Variants in CNOT1 observed in about 807,000 individuals in gnomAD.
CNOT1 encodes the protein CCR4-NOT transcription complex subunit 1, also known as CCR4-associated factor 1.
In CNOT1, 15 loss-of-function variants were observed where a neutral mutation model predicts 273.8. The observed-to-expected ratio is 0.05, with a 90% CI of 0.04 to 0.08. CNOT1 has a LOEUF of 0.08. Among genes scored for constraint, CNOT1 ranks in the 10% least tolerant of loss-of-function variants. CNOT1 has a pLI of 1.00. For synonymous variants in CNOT1, 1,022 were observed against 1,005.5 expected, an observed-to-expected ratio of 1.02 and a Z score of -0.31; for missense variants, 1,644 against 2,912.2, an observed-to-expected ratio of 0.56 and a Z score of 10.02.
intron 1 of CNOT1, among the ~76,000 whole-genome samples, chr16:58,623,585 T>A (rs538492805): frequency 6.6e-6 from 1 of 152,298 alleles, no homozygotes; most frequent in Admixed American, 6.5e-5. Context: ...TTCAGAGAGC[T>A]TCCAGATAGC....
At chr16:58,596,625 T>A (rs538547027) in intron 2 of CNOT1, among the ~76,000 whole-genome samples, 1 of 152,084 alleles carries the variant, frequency 6.6e-6, no homozygotes, top group South Asian at 2.1e-4. Flanking sequence ...CAGTGGCTCA[T>A]GCCTGTAATC....
intron 2 of CNOT1, among the ~76,000 whole-genome samples, chr16:58,595,912 G>A (rs1181378955): frequency 2.0e-5 from 3 of 152,150 alleles, no homozygotes; most frequent in South Asian, 2.1e-4. Flanking sequence ...AGAAAGTTAC[G>A]GAGAATAAAA....
At chr16:58,524,455 C>A (rs1299905720) in intron 46 of CNOT1, among the ~76,000 whole-genome samples, 1 of 151,866 alleles carries the variant, frequency 6.6e-6, no homozygotes, top group African/African-American at 2.4e-5. Flanking sequence ...GGCTGCCGTC[C>A]TTTTATTGCC....
intron 1 of CNOT1, among the ~76,000 whole-genome samples, chr16:58,605,743 C>A (rs1597581425): frequency 6.6e-6 from 1 of 152,288 alleles, no homozygotes; most frequent in East Asian, 1.9e-4. Context: ...CGGCTTACCG[C>A]AGCCTCCCTG....
At chr16:58,588,204 C>T (rs1475311619) in intron 3 of CNOT1, among the ~76,000 whole-genome samples, 1 of 152,012 alleles carries the variant, frequency 6.6e-6, no homozygotes, top group Admixed American at 6.6e-5. Context: ...GAGGCTGAGG[C>T]AGGAGAATCG....
At position 58,541,487 on chromosome 16, in the gene CNOT1, TAA is replaced by T; in HGVS notation, c.4800+12_4800+13del. 1 of 1,609,362 alleles carries T rather than the reference TAA, an allele frequency of 6.2e-7. No homozygotes were observed. The highest frequency in any genetic ancestry group is 1.1e-5 in the South Asian group (1 of 90,358). On this transcript the variant is annotated intron_variant, in intron 34 of 48. Transcript: ENST00000317147. The stretch of plus-strand genomic sequence containing the variant: ...AATTGGCAAAACACTCAATTTAATC[TAA>T]AACACATTTACCTTCATGGGCTGGG...
At chr16:58,553,746 A>C in intron 22 of CNOT1, 36 bp downstream of exon 22, 1 of 1,597,426 alleles carries the variant, frequency 6.3e-7, no homozygotes, top group South Asian at 1.1e-5. Context: ...CAAATACTAC[A>C]TAGCTATTTG....
At chr16:58,544,130 T>G (rs1424070) in intron 30 of CNOT1, among the ~76,000 whole-genome samples, 35,177 of 152,074 alleles carry the variant, frequency 0.23, 4,452 homozygotes, top group African/African-American at 0.34. Flanking sequence ...TTTTTTTAAA[T>G]CCAAGTTTAA....
At chr16:58,541,688 A>G in intron 33 of CNOT1, 68 bp from the exon 34 acceptor site, 3 of 1,531,280 alleles carry the variant, frequency 2.0e-6, no homozygotes, top group Non-Finnish European at 2.7e-6. Flanking sequence ...TTGAAAGTGG[A>G]AAGTCTGCAT....
chr16:58,620,540 G>C (rs146240523), intron 1 of CNOT1, among the ~76,000 whole-genome samples: 2 of 151,506 alleles, frequency 1.3e-5, no homozygotes, highest in African/African-American at 2.4e-5. Flanking sequence ...CTACTCGGCG[G>C]GGATAAGGCA....
chr16:58,574,497 A>G (rs2041394457), intron 16 of CNOT1, 112 bp downstream of exon 16: 13 of 1,066,174 alleles, frequency 1.2e-5, no homozygotes, highest in Non-Finnish European at 1.7e-5. Context: ...ACTTAAAACC[A>G]TTGGACCATT....
rs117725648 is a variant in CNOT1 at position 58,629,088 on chromosome 16, T to C, written c.-175+640A>G. On this transcript the variant is annotated intron_variant, in intron 1 of 48. Transcript: ENST00000317147. ...AAGTGTGAGCGCCCAGGCGCGCGAGTGGAACAAAACCTGTAGCAAGTAATA... is the reference window on the plus strand; with the variant it reads ...AAGTGTGAGCGCCCAGGCGCGCGAGCGGAACAAAACCTGTAGCAAGTAATA... Among the ~76,000 whole-genome samples, 227 of 152,160 alleles carry C rather than the reference T, an allele frequency of 1.5e-3. 6 individuals are homozygous for C. The East Asian group carries it at 0.039, about 26-fold the overall frequency.
At chr16:58,554,807 G>C (rs148457392) in intron 21 of CNOT1, among the ~76,000 whole-genome samples, 1 of 151,818 alleles carries the variant, frequency 6.6e-6, no homozygotes, top group African/African-American at 2.4e-5. Context: ...GCAGTGGCAC[G>C]CGTCTGTAAT....
Position 58,543,589 on chromosome 16 carries a change from A to C in CNOT1, c.4434+18T>G. Reference sequence around the variant, plus strand: ...AGTAATACGTTTTGTACCTATACCAAGGAAATAGCCAACTTACACGAAGGG... The same window carrying C: ...AGTAATACGTTTTGTACCTATACCACGGAAATAGCCAACTTACACGAAGGG... On this transcript the variant is annotated intron_variant, in intron 31 of 48. Coordinates refer to ENST00000317147, the MANE Select transcript of CNOT1 (RefSeq NM_016284.5). 1 of 1,614,190 alleles carries C rather than the reference A, an allele frequency of 6.2e-7. No homozygotes were observed. The highest frequency in any genetic ancestry group is 8.5e-7 in the Non-Finnish European group (1 of 1,180,022).
At position 58,538,237 on chromosome 16, in the gene CNOT1, T is replaced by C; in HGVS notation, c.5165A>G (p.Lys1722Arg). 7.1e-7 allele frequency: 1 copy of C among 1,412,566 alleles called. No individual in the cohort carries two copies. The highest frequency in any genetic ancestry group is 1.0e-6 in the Non-Finnish European group (1 of 996,084). 87.5% of individuals were successfully genotyped at this position (1,412,566 alleles called of 1,614,324 possible). ...RCLIECRDEY[K>R]YNVEAVELLI... Reference sequence around the variant, plus strand: ...CAGCTCCACAGCCTCCACATTATATTTATATTCATCTCGACATTCAATTAG... The same window carrying C: ...CAGCTCCACAGCCTCCACATTATATCTATATTCATCTCGACATTCAATTAG... The change falls in exon 37 of 49, where the codon AAA becomes AGA. Residue 1722 changes from lysine to arginine, a missense_variant. By Grantham distance (26) the Lys-to-Arg change is conservative. Around this residue, in one of 13 missense-constraint regions of CNOT1, gnomAD observed 170 missense variants for 273.1 expected, o/e 0.62. Transcript: ENST00000317147.
At chr16:58,583,455 G>A (rs762656486) in intron 8 of CNOT1, among the ~76,000 whole-genome samples, 1 of 152,202 alleles carries the variant, frequency 6.6e-6, no homozygotes, top group Non-Finnish European at 1.5e-5. Flanking sequence ...GATAAGCTAT[G>A]AGGATGCAAA....
chr16:58,584,130 T>TGCACTCCAGCCTGGGCAACAGAGCA (rs1453432429), intron 8 of CNOT1, among the ~76,000 whole-genome samples: 2 of 145,478 alleles, frequency 1.4e-5, no homozygotes, highest in Non-Finnish European at 3.0e-5. Context: ...ATTGTGCCAC[T>TGCACTCCAGCCTGGGCAACAGAGCA]GCACTCCAGC....
intron 12 of CNOT1, 125 bp downstream of exon 12, chr16:58,580,508 A>C: frequency 2.2e-6 from 3 of 1,381,144 alleles, no homozygotes; most frequent in Non-Finnish European, 2.8e-6. Flanking sequence ...TACTTAAGAT[A>C]AGTAAGGTCA....
chr16:58,599,659 G>A (rs533912830), intron 1 of CNOT1, 148 bp from the exon 2 acceptor site: 12 of 432,918 alleles, frequency 2.8e-5, no homozygotes, highest in African/African-American at 7.9e-5. Context: ...AACTACCATC[G>A]TCTCTGTGTT....
Sources: allele counts gnomAD v4.1 joint callset (sites outside exome capture counted in the v4.1 genomes callset), GRCh38; gene constraint gnomAD v4.1.1; regional missense constraint gnomAD v4.1.1; transcripts MANE v1.5; gene names NCBI Gene and HGNC (gene_info 2026-07-23, HGNC 2026-07-21).